The following PZP variants were observed in gnomAD, a reference collection of about 807,000 sequenced individuals.
The protein encoded by PZP is pregnancy zone protein.
A neutral mutation model predicts 179.8 loss-of-function variants in PZP; 150 were observed. The ratio of observed to expected loss-of-function variants is 0.83; its 90% CI spans 0.73 to 0.96. The LOEUF (loss-of-function observed/expected upper bound fraction) is 0.96. Among genes scored for constraint, PZP ranks in the 40% least tolerant of loss-of-function variants. The pLI is 0.00. For missense variants in PZP, 1,689 were observed against 1,764.0 expected (o/e 0.96, Z 0.76); for synonymous variants, 624 against 652.3 (o/e 0.96, Z 0.66).
intron 18 of PZP, 60 bp from the exon 19 acceptor site, chr12:9,165,427 G>C: frequency 1.3e-6 from 2 of 1,583,330 alleles, no homozygotes; most frequent in Non-Finnish European, 1.7e-6. Context: ...TTTCTCAAGT[G>C]AGAATTAATA....
At chr12:9,162,846 T>C (rs1197332065) in intron 21 of PZP, among the ~76,000 whole-genome samples, 198 bp from the exon 22 acceptor site, 1 of 152,170 alleles carries the variant, frequency 6.6e-6, no homozygotes, top group Admixed American at 6.5e-5. Context: ...ATGTGTGCCA[T>C]GGTGGTTTGC....
chr12:9,180,889 G>A lies in PZP; in HGVS notation c.1839+94C>T, dbSNP rs60066275. On this transcript the variant is annotated intron_variant, in intron 15 of 35. Coordinates refer to ENST00000261336, the MANE Select transcript of PZP (RefSeq NM_002864.3). ...ACCTACAAAATGGGAGAAAATTTTC[G>A]CAACCTACTCATCTGACAAAGGGCT... 2,915 of 1,385,768 alleles carry A rather than the reference G, an allele frequency of 2.1e-3. 53 individuals carry two copies. The African/African-American group carries it at 0.036, about 17-fold the overall frequency. The allele number at this position is 1,385,768 out of a possible 1,614,324, so 85.8% of individuals were successfully genotyped here.
At chr12:9,190,979 CTA>C (rs980073661) in intron 13 of PZP, among the ~76,000 whole-genome samples, 16 of 152,076 alleles carry the variant, frequency 1.1e-4, no homozygotes, top group Admixed American at 9.2e-4. Context: ...TAATTAATAA[CTA>C]TTAAAATATG....
rs1003647006 is a variant in PZP, at chr12:9,149,453, T to C, written c.4426+108A>G. ...TGTCTTGGTGTGAGGACATGCCATG[T>C]GGATTGTCTCAGATGTAGGAAAAGC... is the stretch of plus-strand genomic sequence containing the variant. On this transcript the variant is annotated intron_variant, in intron 35 of 35. Transcript: ENST00000261336. 83 of 1,124,170 alleles carry C rather than the reference T, an allele frequency of 7.4e-5. No homozygotes were observed. The African/African-American group carries it at 1.1e-3, about 15-fold the overall frequency. The allele number at this position is 1,124,170 out of a possible 1,614,324, so 69.6% of individuals were successfully genotyped here.
rs1943794997 is a variant in PZP, at chr12:9,196,694, A to G, written c.868-9T>C. On this transcript the variant is annotated splice_polypyrimidine_tract_variant and intron_variant, in intron 8 of 35. Transcript: ENST00000261336. ...CAGCCATTGCTGTTAAGCTGAGAAA[A>G]ATACCAAAACCAATAAATGTCAAAC... 1 of 1,569,184 alleles carries G rather than the reference A, an allele frequency of 6.4e-7. No individual in the cohort carries two copies. Among genetic ancestry groups the G allele is most frequent in the Admixed American group, 1.7e-5 (1 of 59,960 alleles).
rs139101206 is a variant in PZP at position 9,158,523 on chromosome 12, A to T, written c.3191T>A (p.Ile1064Asn). 6 of 1,614,146 alleles carry T rather than the reference A, an allele frequency of 3.7e-6. No individual in the cohort carries two copies. The highest frequency in any genetic ancestry group is 5.1e-6 in the Non-Finnish European group (6 of 1,180,010). Residue 1064 changes from isoleucine (I) to asparagine (N), a missense_variant, in exon 26 of 36, where the codon ATT becomes AAT. By Grantham distance (149) the Ile-to-Asn change is moderately radical. Coordinates refer to ENST00000261336, the MANE Select transcript of PZP (RefSeq NM_002864.3). ...TFAQARSYIF[I>N]DEAHITQSLT... The stretch of plus-strand genomic sequence containing the variant: ...AGATTGGGTAATGTGTGCTTCATCA[A>T]TGAAGATGTAGGATCGAGCCTGGGC...
chr12:9,205,037 A>G (rs1246266520), intron 1 of PZP, among the ~76,000 whole-genome samples: 3 of 152,176 alleles, frequency 2.0e-5, no homozygotes, highest in Non-Finnish European at 4.4e-5. Context: ...GGTTGAGGCT[A>G]CAGTGAGCTA....
chr12:9,207,121 C>T (rs868690089), intron 1 of PZP, among the ~76,000 whole-genome samples: 1 of 152,140 alleles, frequency 6.6e-6, no homozygotes, highest in Non-Finnish European at 1.5e-5. Context: ...CTGCTTTCTG[C>T]GCTTTGGCCT....
rs183062656 is a variant in PZP, at chr12:9,165,379, G to T, written c.2259-12C>A. On this transcript the variant is annotated splice_polypyrimidine_tract_variant and intron_variant, in intron 18 of 35. Transcript: ENST00000261336. ...CCACACCTGATGAGCTGGGGAGGAG[G>T]GCAAGTGAAGAACAGAAATAATGAA... 1.2e-5 allele frequency: 20 copies of T among 1,613,386 alleles called. No individual in the cohort carries two copies. The African/African-American group carries it at 1.6e-4, about 13-fold the overall frequency.
chr12:9,181,943 G>A, intron 14 of PZP, 32 bp downstream of exon 14: 1 of 1,605,092 alleles, frequency 6.2e-7, no homozygotes. Flanking sequence ...TCATTTATTT[G>A]TGTTCTTTTA....
chr12:9,206,646 T>C (rs1944451020), intron 1 of PZP, among the ~76,000 whole-genome samples: 1 of 152,216 alleles, frequency 6.6e-6, no homozygotes. Context: ...CTATTGGTTC[T>C]CTTTTGTAGT....
chr12:9,166,727 A>C (rs758237142), intron 17 of PZP, among the ~76,000 whole-genome samples: 70 of 152,350 alleles, frequency 4.6e-4, no homozygotes, highest in African/African-American at 1.5e-3. Flanking sequence ...TTAGAGCATT[A>C]GATTTTATTC....
At position 9,169,540 on chromosome 12, in the gene PZP, C is replaced by G; in HGVS notation, c.1891G>C (p.Asp631His). The G allele has an allele frequency of 6.2e-7, 1 of 1,612,906 alleles. No homozygotes were observed. ...KDLTNFPDNV[D>H]QQEEEQGHCP... Reference sequence around the variant, plus strand: ...TGTCCTTGTTCTTCCTCCTGCTGGTCCACATTGTCAGGAAAATTGGTGAGA... The same window carrying G: ...TGTCCTTGTTCTTCCTCCTGCTGGTGCACATTGTCAGGAAAATTGGTGAGA... The change falls in exon 16 of 36, where the codon GAC becomes CAC. Residue 631 changes from aspartate to histidine, a missense_variant. Transcript: ENST00000261336.
In PZP at chr12:9,165,381, C is replaced by T. The variant is rs185964573; in HGVS notation, c.2259-14G>A. On this transcript the variant is annotated splice_polypyrimidine_tract_variant and intron_variant, in intron 18 of 35. Transcript: ENST00000261336. Reference sequence around the variant, plus strand: ...ACACCTGATGAGCTGGGGAGGAGGGCAAGTGAAGAACAGAAATAATGAATG... The same window carrying T: ...ACACCTGATGAGCTGGGGAGGAGGGTAAGTGAAGAACAGAAATAATGAATG... 20 of 1,613,382 alleles carry T rather than the reference C, an allele frequency of 1.2e-5. No individual in the cohort carries two copies. In the African/African-American group the frequency reaches 1.6e-4, roughly 13 times the overall value.
At chr12:9,177,685 A>C (rs1470294136) in intron 15 of PZP, among the ~76,000 whole-genome samples, 1 of 152,248 alleles carries the variant, frequency 6.6e-6, no homozygotes, top group Non-Finnish European at 1.5e-5. Flanking sequence ...ATTATTATTC[A>C]AAGCGACCAC....
Position 9,158,539 on chromosome 12 carries a change from G to T in PZP, c.3175C>A (p.Arg1059=), listed in dbSNP as rs769181846. ...GCTTCATCAATGAAGATGTAGGATC[G>T]AGCCTGGGCGAAAGTCTTCAGTACA... ...AFVLKTFAQA[R]SYIFIDEAHI... The change falls in exon 26 of 36, where the codon CGA becomes AGA. Residue 1059 remains arginine (R), a synonymous_variant. Coordinates refer to ENST00000261336, the MANE Select transcript of PZP (RefSeq NM_002864.3). 1 of 1,613,996 alleles carries T rather than the reference G, an allele frequency of 6.2e-7. No homozygotes were observed. The highest frequency in any genetic ancestry group is 8.5e-7 in the Non-Finnish European group (1 of 1,180,014).
the PZP span, among the ~76,000 whole-genome samples, chr12:9,142,489 G>T: frequency 2.0e-5 from 3 of 152,132 alleles, no homozygotes; most frequent in Non-Finnish European, 4.4e-5. Context: ...ATTTTACTGT[G>T]CCAGTAAGTT....
chr12:9,188,758 G>A (rs1161214224), intron 13 of PZP, among the ~76,000 whole-genome samples: 1 of 152,204 alleles, frequency 6.6e-6, no homozygotes, highest in African/African-American at 2.4e-5. Flanking sequence ...AATCAGGAAT[G>A]CAAGCAATCC....
At position 9,148,851 on chromosome 12, in the gene PZP, G is replaced by C; in HGVS notation, c.*121C>G. 1.2e-6 allele frequency: 1 copy of C among 810,350 alleles called. No individual in the cohort carries two copies. Among genetic ancestry groups the C allele is most frequent in the South Asian group, 1.7e-5 (1 of 60,022 alleles). The allele number at this position is 810,350 out of a possible 1,614,324, so 50.2% of individuals were successfully genotyped here. A position where few individuals can be genotyped will look rare whatever the true frequency, so the allele number is the denominator to read the frequency against. ...GATGCAACAAGTGATAGTTTGACCA[G>C]AAGTACATATTTATTCAGCAAATAT... On this transcript the variant is annotated 3_prime_UTR_variant, in exon 36 of 36. Transcript: ENST00000261336.
Sources: allele counts gnomAD v4.1 joint callset (sites outside exome capture counted in the v4.1 genomes callset), GRCh38; gene constraint gnomAD v4.1.1; transcripts MANE v1.5; gene names NCBI Gene and HGNC (gene_info 2026-07-23, HGNC 2026-07-21).